Variants in HS6ST3 observed in about 807,000 individuals in gnomAD.
The protein encoded by HS6ST3 is heparan-sulfate 6-O-sulfotransferase 3.
Under a neutral mutation model 36.7 loss-of-function variants are expected in HS6ST3, and 12 were observed. The ratio of observed to expected loss-of-function variants is 0.33; its 90% CI spans 0.21 to 0.53. The LOEUF (loss-of-function observed/expected upper bound fraction) is 0.53. HS6ST3 is among the 20% of genes least tolerant of loss of function. The pLI is 0.95. For synonymous variants in HS6ST3, 240 were observed against 257.5 expected, an observed-to-expected ratio of 0.93 and a Z score of 0.65; for missense variants, 584 against 640.9, an observed-to-expected ratio of 0.91 and a Z score of 0.96.
At chr13:96,569,154 A>T (rs2056292071) in intron 1 of HS6ST3, among the ~76,000 whole-genome samples, 1 of 152,194 alleles carries the variant, frequency 6.6e-6, no homozygotes, top group Non-Finnish European at 1.5e-5. Flanking sequence ...TCATTGTGTC[A>T]CTAATAGTTC....
intron 1 of HS6ST3, among the ~76,000 whole-genome samples, chr13:96,770,920 A>G (rs181513243): frequency 6.6e-6 from 1 of 152,310 alleles, no homozygotes; most frequent in East Asian, 1.9e-4. Context: ...TTCTTGGATC[A>G]GCAATGTATG....
chr13:96,269,488 TG>T (rs1266323309), intron 1 of HS6ST3, among the ~76,000 whole-genome samples: 1 of 151,894 alleles, frequency 6.6e-6, no homozygotes, highest in African/African-American at 2.4e-5. Flanking sequence ...AGAGACAAGG[TG>T]GGGGGAAGTC....
rs979751432 is a variant in HS6ST3, at chr13:96,719,859, C to T, written c.708-112631C>T. Reference sequence around the variant, plus strand: ...ACACACTCTTGACTGCCTTGAGAGCCCTGTCTCCCTAATGTGTTCATTTCT... The same window carrying T: ...ACACACTCTTGACTGCCTTGAGAGCTCTGTCTCCCTAATGTGTTCATTTCT... On this transcript the variant is annotated intron_variant, in intron 1 of 1. Transcript: ENST00000376705. 3.3e-5 allele frequency among the ~76,000 whole-genome samples: 5 copies of T among 152,178 alleles called. No individual in the cohort carries two copies. In the East Asian group the frequency reaches 9.6e-4, roughly 29 times the overall value.
chr13:96,327,537 A>C lies in HS6ST3; in HGVS notation c.707+235968A>C, dbSNP rs2055039499. Reference sequence around the variant, plus strand: ...GGGCTCTGTTCTGTTCCATTGATCTATATCTCTGTTTTGGTACTAGTACCA... The same window carrying C: ...GGGCTCTGTTCTGTTCCATTGATCTCTATCTCTGTTTTGGTACTAGTACCA... On this transcript the variant is annotated intron_variant, in intron 1 of 1. Coordinates refer to ENST00000376705, the MANE Select transcript of HS6ST3 (RefSeq NM_153456.4). Among the ~76,000 whole-genome samples the C allele has an allele frequency of 3.3e-5, 5 of 151,890 alleles. No homozygotes were observed. In the South Asian group the frequency reaches 8.3e-4, roughly 25 times the overall value.
intron 1 of HS6ST3, among the ~76,000 whole-genome samples, chr13:96,616,001 G>A (rs1483799659): frequency 1.3e-5 from 2 of 152,296 alleles, no homozygotes; most frequent in Middle Eastern, 3.4e-3. Context: ...AGATATTGCA[G>A]ATTAATGGAA....
intron 1 of HS6ST3, among the ~76,000 whole-genome samples, chr13:96,332,454 C>T (rs1442255117): frequency 6.6e-6 from 1 of 152,122 alleles, no homozygotes; most frequent in Admixed American, 6.5e-5. Flanking sequence ...GAATTTGCCT[C>T]CTGAAAATCT....
chr13:96,658,717 A>G (rs1409406314), intron 1 of HS6ST3, among the ~76,000 whole-genome samples: 2 of 147,710 alleles, frequency 1.4e-5, no homozygotes, highest in Non-Finnish European at 3.0e-5. Context: ...TTTTATTTTT[A>G]TTTTTGAGAT....
rs113583498 is a variant in HS6ST3, at chr13:96,247,595, C to A, written c.707+156026C>A. Among the ~76,000 whole-genome samples the A allele has an allele frequency of 7.3e-4, 111 of 152,242 alleles. 1 individual carries two copies. Among genetic ancestry groups the A allele is most frequent in the African/African-American group, 2.4e-3 (100 of 41,556 alleles). ...CATGTGGAACTGTGAGTCAATTAAG[C>A]TTCTTTCCTTTATAAATTACCCAGT... is the stretch of plus-strand genomic sequence containing the variant. On this transcript the variant is annotated intron_variant, in intron 1 of 1. Transcript: ENST00000376705.
intron 1 of HS6ST3, among the ~76,000 whole-genome samples, chr13:96,387,781 T>A (rs2055375819): frequency 6.6e-6 from 1 of 152,214 alleles, no homozygotes; most frequent in African/African-American, 2.4e-5. Flanking sequence ...ATCCCTTTAT[T>A]TATTTATTTG....
At chr13:96,750,717 T>G (rs1295665940) in intron 1 of HS6ST3, among the ~76,000 whole-genome samples, 1 of 152,172 alleles carries the variant, frequency 6.6e-6, no homozygotes, top group African/African-American at 2.4e-5. Flanking sequence ...CAAGAAAGAC[T>G]GGAAACTTTG....
At chr13:96,565,813 C>A (rs1165560518) in intron 1 of HS6ST3, among the ~76,000 whole-genome samples, 1 of 152,060 alleles carries the variant, frequency 6.6e-6, no homozygotes, top group Non-Finnish European at 1.5e-5. Context: ...TCCCCCCTAC[C>A]CCAGTAAACT....
rs1004731331 is a variant in HS6ST3 at position 96,117,732 on chromosome 13, A to G, written c.707+26163A>G. 3.9e-5 allele frequency among the ~76,000 whole-genome samples: 6 copies of G among 152,368 alleles called. No homozygotes were observed. The East Asian group carries it at 1.2e-3, about 29-fold the overall frequency. On this transcript the variant is annotated intron_variant, in intron 1 of 1. Transcript: ENST00000376705. Reference sequence around the variant, plus strand: ...ATAATGTTAAGTGATTGAATTAAAAATATGTAATAGACTGCATGAATCTAG... The same window carrying G: ...ATAATGTTAAGTGATTGAATTAAAAGTATGTAATAGACTGCATGAATCTAG...
chr13:96,509,304 G>T (rs1340049389), intron 1 of HS6ST3, among the ~76,000 whole-genome samples: 2 of 152,008 alleles, frequency 1.3e-5, no homozygotes, highest in African/African-American at 4.8e-5. Context: ...TCTGTGTGTT[G>T]TCTGTTTACT....
chr13:96,212,213 T>A (rs955946651), intron 1 of HS6ST3, among the ~76,000 whole-genome samples: 1 of 152,148 alleles, frequency 6.6e-6, no homozygotes, highest in Non-Finnish European at 1.5e-5. Context: ...AATGCCTGGG[T>A]TTTTTAGTTT....
At chr13:96,387,143 A>G (rs950553384) in intron 1 of HS6ST3, among the ~76,000 whole-genome samples, 6 of 152,206 alleles carry the variant, frequency 3.9e-5, no homozygotes, top group African/African-American at 1.4e-4. Context: ...TGCAATGAAA[A>G]GGAGCCATGA....
Position 96,676,456 on chromosome 13 carries a change from C to T in HS6ST3, c.708-156034C>T, listed in dbSNP as rs575041705. Among the ~76,000 whole-genome samples, 8 of 152,194 alleles carry T rather than the reference C, an allele frequency of 5.3e-5. No homozygotes were observed. In the East Asian group the frequency reaches 9.7e-4, roughly 18 times the overall value. ...ACCATCATTGACATACCCAGTACAA[C>T]GTTCACCTCCATTACAGGTCCAGTA... On this transcript the variant is annotated intron_variant, in intron 1 of 1. Transcript: ENST00000376705.
intron 1 of HS6ST3, among the ~76,000 whole-genome samples, chr13:96,645,506 G>A (rs930976521): frequency 1.3e-5 from 2 of 150,700 alleles, no homozygotes; most frequent in South Asian, 2.1e-4. Flanking sequence ...GTATTCCACC[G>A]AGGTGAAATA....
At chr13:96,349,709 T>C (rs891690663) in intron 1 of HS6ST3, among the ~76,000 whole-genome samples, 26 of 152,190 alleles carry the variant, frequency 1.7e-4, no homozygotes, top group Non-Finnish European at 3.2e-4. Context: ...GCTTTGTTCA[T>C]TTCAGTTCAG....
At chr13:96,265,326 C>CA (rs138156800) in intron 1 of HS6ST3, among the ~76,000 whole-genome samples, 7 of 152,200 alleles carry the variant, frequency 4.6e-5, no homozygotes, top group Admixed American at 6.5e-5. Flanking sequence ...AGGCACGTAA[C>CA]ACCATGCCCA....
Sources: allele counts gnomAD v4.1 joint callset (sites outside exome capture counted in the v4.1 genomes callset), GRCh38; gene constraint gnomAD v4.1.1; transcripts MANE v1.5; gene names NCBI Gene and HGNC (gene_info 2026-07-23, HGNC 2026-07-21).